ADGRB3: variants seen among roughly 807,000 people sequenced by gnomAD.
ADGRB3 encodes brain-specific angiogenesis inhibitor 3.
ADGRB3 carries 37 observed loss-of-function variants against 193.4 expected under a neutral mutation model. That is an observed-to-expected ratio of 0.19 (90% CI 0.15 to 0.25). The LOEUF (loss-of-function observed/expected upper bound fraction) is 0.25. Ranked by LOEUF, ADGRB3 falls within the 10% of genes least tolerant of loss-of-function variation. ADGRB3 has a pLI of 1.00. For synonymous variants in ADGRB3, 690 were observed against 644.2 expected, an observed-to-expected ratio of 1.07 and a Z score of -1.08; for missense variants, 1,637 against 1,852.9, an observed-to-expected ratio of 0.88 and a Z score of 2.14.
chr6:69,058,693 T>C (rs1387393806), intron 15 of ADGRB3, among the ~76,000 whole-genome samples: 2 of 152,138 alleles, frequency 1.3e-5, no homozygotes, highest in Non-Finnish European at 2.9e-5. Flanking sequence ...TGTGATTTCT[T>C]CTTTGATCCG....
intron 3 of ADGRB3, among the ~76,000 whole-genome samples, chr6:68,796,882 T>C (rs1468857636): frequency 6.6e-6 from 1 of 152,124 alleles, no homozygotes; most frequent in Non-Finnish European, 1.5e-5. Flanking sequence ...CTTGTCTCTG[T>C]GTTGTATATC....
chr6:69,191,165 T>G (rs1002458985), intron 17 of ADGRB3, among the ~76,000 whole-genome samples: 3 of 152,206 alleles, frequency 2.0e-5, no homozygotes, highest in Admixed American at 6.5e-5. Context: ...TCATTTGAAA[T>G]TACACATGTA....
At chr6:69,131,576 A>G (rs1292187474) in intron 17 of ADGRB3, among the ~76,000 whole-genome samples, 2 of 152,084 alleles carry the variant, frequency 1.3e-5, no homozygotes, top group Non-Finnish European at 2.9e-5. Context: ...ATACTATAAA[A>G]TGAGCTATTT....
chr6:69,256,677 T>G (rs996416043), intron 20 of ADGRB3, among the ~76,000 whole-genome samples: 11 of 152,212 alleles, frequency 7.2e-5, no homozygotes, highest in African/African-American at 2.7e-4. Flanking sequence ...CCTCTTTTCC[T>G]AAATGAATAC....
intron 17 of ADGRB3, among the ~76,000 whole-genome samples, chr6:69,114,557 G>A (rs1232415270): frequency 1.3e-5 from 2 of 152,064 alleles, no homozygotes; most frequent in Non-Finnish European, 2.9e-5. Context: ...CATTGGTTTT[G>A]GTGTTTTAGT....
intron 17 of ADGRB3, among the ~76,000 whole-genome samples, chr6:69,149,274 G>A (rs1774597986): frequency 1.3e-5 from 2 of 151,744 alleles, no homozygotes; most frequent in African/African-American, 4.8e-5. Flanking sequence ...CAAACAGCCT[G>A]TCTTCAAGCT....
In ADGRB3 at chr6:69,052,787, T is replaced by C. The variant is rs180911726; in HGVS notation, c.2333+3441T>C. ...CCTTTTAAAGTTAAGTAGGTTCAGA[T>C]TGTTACTTCAACTGAAGGAAATATG... On this transcript the variant is annotated intron_variant, in intron 15 of 31. Transcript: ENST00000370598. Among the ~76,000 whole-genome samples, 145 of 152,364 alleles carry C rather than the reference T, an allele frequency of 9.5e-4. 1 individual carries two copies. The highest frequency in any genetic ancestry group is 3.4e-3 in the African/African-American group (142 of 41,590).
chr6:68,901,552 T>A (rs1224909448), intron 3 of ADGRB3, among the ~76,000 whole-genome samples: 1 of 152,194 alleles, frequency 6.6e-6, no homozygotes, highest in Non-Finnish European at 1.5e-5. Flanking sequence ...GGAACCATCT[T>A]AGACACTGTT....
intron 17 of ADGRB3, among the ~76,000 whole-genome samples, chr6:69,085,039 A>G (rs3799028): frequency 0.68 from 102,658 of 151,876 alleles, 35,654 homozygotes; most frequent in East Asian, 0.96. Flanking sequence ...TAAAGGTATC[A>G]TATACTTTGG....
chr6:68,894,909 A>T (rs1242105165), intron 3 of ADGRB3, among the ~76,000 whole-genome samples: 1 of 151,866 alleles, frequency 6.6e-6, no homozygotes, highest in African/African-American at 2.4e-5. Context: ...ATCAGACAAG[A>T]TCCCATTATC....
chr6:68,779,469 T>A (rs968904086), intron 3 of ADGRB3, among the ~76,000 whole-genome samples: 1 of 151,970 alleles, frequency 6.6e-6, no homozygotes, highest in African/African-American at 2.4e-5. Flanking sequence ...AGACAGAGAT[T>A]ATGTAACCAT....
intron 3 of ADGRB3, among the ~76,000 whole-genome samples, chr6:68,773,398 C>T (rs1766677322): frequency 6.6e-6 from 1 of 152,090 alleles, no homozygotes; most frequent in African/African-American, 2.4e-5. Flanking sequence ...AATGAAGAGA[C>T]ATCAGTAAAA....
At chr6:69,125,708 A>C (rs1773832898) in intron 17 of ADGRB3, among the ~76,000 whole-genome samples, 1 of 152,242 alleles carries the variant, frequency 6.6e-6, no homozygotes, top group Admixed American at 6.5e-5. Flanking sequence ...GCCAATGTCT[A>C]AAGTAAAGGG....
intron 20 of ADGRB3, among the ~76,000 whole-genome samples, chr6:69,264,575 T>C (rs1767000947): frequency 6.6e-6 from 1 of 151,824 alleles, no homozygotes; most frequent in Non-Finnish European, 1.5e-5. Context: ...AAAGCTATTA[T>C]AGTGCTGCAC....
chr6:68,974,748 TG>T lies in ADGRB3; in HGVS notation c.1526-14del. 1 of 1,611,308 alleles carries T rather than the reference TG, an allele frequency of 6.2e-7. No homozygotes were observed. Among genetic ancestry groups the T allele is most frequent in the Non-Finnish European group, 8.5e-7 (1 of 1,177,954 alleles). Reference sequence around the variant, plus strand: ...AACACTACTGACATTCAAGTCCCTTTGTTTAAAATTGCAGCACCTTATGAAA... The same window carrying T: ...AACACTACTGACATTCAAGTCCCTTTTTTAAAATTGCAGCACCTTATGAAA... On this transcript the variant is annotated splice_polypyrimidine_tract_variant and intron_variant, in intron 8 of 31. Coordinates refer to ENST00000370598, the MANE Select transcript of ADGRB3 (RefSeq NM_001704.3).
At chr6:69,177,258 G>T (rs547342606) in intron 17 of ADGRB3, among the ~76,000 whole-genome samples, 2 of 151,950 alleles carry the variant, frequency 1.3e-5, no homozygotes, top group East Asian at 3.9e-4. Context: ...ATAAGTGTTT[G>T]GTGCTGTAAA....
At chr6:69,120,840 A>G (rs1196969836) in intron 17 of ADGRB3, among the ~76,000 whole-genome samples, 1 of 152,196 alleles carries the variant, frequency 6.6e-6, no homozygotes, top group African/African-American at 2.4e-5. Flanking sequence ...AAGCAGATTG[A>G]TGGTACTATG....
chr6:68,712,861 C>T (rs2746133), intron 3 of ADGRB3, among the ~76,000 whole-genome samples: 116,064 of 151,706 alleles, frequency 0.77, 44,568 homozygotes, highest in Middle Eastern at 0.91. Context: ...GTTTTGCTTT[C>T]TTAAAAATAA....
intron 15 of ADGRB3, among the ~76,000 whole-genome samples, chr6:69,058,374 T>C (rs949453214): frequency 1.3e-5 from 2 of 151,960 alleles, no homozygotes; most frequent in African/African-American, 4.8e-5. Flanking sequence ...CAATTTTGTA[T>C]ATTTTTTCTC....
Sources: allele counts gnomAD v4.1 joint callset (sites outside exome capture counted in the v4.1 genomes callset), GRCh38; gene constraint gnomAD v4.1.1; transcripts MANE v1.5; gene names NCBI Gene and HGNC (gene_info 2026-07-23, HGNC 2026-07-21).